The following CCNY variants were observed in gnomAD, a reference collection of about 807,000 sequenced individuals.
CCNY encodes cyclin Y.
A neutral mutation model predicts 42.8 loss-of-function variants in CCNY; 19 were observed. That is an observed-to-expected ratio of 0.44 (90% CI 0.31 to 0.65). The LOEUF (loss-of-function observed/expected upper bound fraction) is 0.65, where lower values mean the gene tolerates loss of function less well. CCNY is among the 30% of genes least tolerant of loss of function. CCNY has a pLI of 0.07. For missense variants in CCNY, 370 were observed against 437.3 expected (o/e 0.85, Z 1.37); for synonymous variants, 165 against 162.7 (o/e 1.01, Z -0.11).
chr10:35,553,273 T>C, intron 8 of CCNY, 88 bp downstream of exon 8: 1 of 1,293,976 alleles, frequency 7.7e-7, no homozygotes, highest in East Asian at 2.4e-5. Context: ...ATGGTCTGTA[T>C]AGCGCAGAAT....
At chr10:35,414,734 C>G (rs1837988485) in intron 1 of CCNY, among the ~76,000 whole-genome samples, 1 of 152,156 alleles carries the variant, frequency 6.6e-6, no homozygotes, top group South Asian at 2.1e-4. Flanking sequence ...GGGAGTGATT[C>G]ACTTCACTAT....
At chr10:35,339,205 G>A (rs1264641460) in intron 1 of CCNY, among the ~76,000 whole-genome samples, 1 of 152,200 alleles carries the variant, frequency 6.6e-6, no homozygotes, top group African/African-American at 2.4e-5. Context: ...GACCCAGCCA[G>A]CAGTTCTCAA....
chr10:35,565,596 C>T lies in CCNY; in HGVS notation c.747-427C>T, dbSNP rs1325585295. Among the ~76,000 whole-genome samples the T allele has an allele frequency of 2.6e-5, 4 of 152,206 alleles. 1 individual carries two copies. The highest frequency in any genetic ancestry group is 2.6e-4 in the Admixed American group (4 of 15,288). On this transcript the variant is annotated intron_variant, in intron 8 of 9. Coordinates refer to ENST00000374704, the MANE Select transcript of CCNY (RefSeq NM_145012.6). ...CTCCCTGGAGGTAGGGAGGGGCCAC[C>T]GAGGAAGCCAATGTCCTCTAGGTCT...
intron 1 of CCNY, among the ~76,000 whole-genome samples, chr10:35,393,211 T>C (rs781197434): frequency 1.3e-5 from 2 of 152,216 alleles, no homozygotes; most frequent in Non-Finnish European, 2.9e-5. Flanking sequence ...TTTTTTCTTT[T>C]ACACAGATCT....
intron 7 of CCNY, among the ~76,000 whole-genome samples, chr10:35,546,749 T>C (rs1209774239): frequency 1.3e-5 from 2 of 152,038 alleles, no homozygotes; most frequent in African/African-American, 4.8e-5. Context: ...ACCTGGTTCA[T>C]GACTGTTTGT....
chr10:35,532,029 G>C (rs1187219789), intron 7 of CCNY, among the ~76,000 whole-genome samples: 1 of 152,264 alleles, frequency 6.6e-6, no homozygotes, highest in Non-Finnish European at 1.5e-5. Context: ...GAAATAGACT[G>C]GTGTTGACCA....
At chr10:35,517,779 T>G (rs905168453) in intron 4 of CCNY, among the ~76,000 whole-genome samples, 20 of 152,232 alleles carry the variant, frequency 1.3e-4, no homozygotes, top group African/African-American at 4.6e-4. Context: ...CTGGCAGCAC[T>G]CACAGAGCTC....
At chr10:35,282,456 G>A (rs547963329) in intron 3 of CCNY, among the ~76,000 whole-genome samples, 8 of 151,916 alleles carry the variant, frequency 5.3e-5, no homozygotes, top group African/African-American at 1.4e-4. Flanking sequence ...GGCCAGGCAC[G>A]GTGGCTCATG....
At chr10:35,498,489 C>A (rs1463102487) in intron 2 of CCNY, among the ~76,000 whole-genome samples, 1 of 152,158 alleles carries the variant, frequency 6.6e-6, no homozygotes, top group South Asian at 2.1e-4. Flanking sequence ...CCACCCCAGT[C>A]TGAAGTTTAC....
At chr10:35,285,575 A>G (rs1360572814) in intron 3 of CCNY, among the ~76,000 whole-genome samples, 15 of 152,140 alleles carry the variant, frequency 9.9e-5, no homozygotes, top group Admixed American at 9.8e-4. Context: ...CTCAGATGTG[A>G]GCCACCACAG....
chr10:35,343,950 C>G (rs900275137), intron 1 of CCNY, among the ~76,000 whole-genome samples: 1 of 152,214 alleles, frequency 6.6e-6, no homozygotes, highest in Non-Finnish European at 1.5e-5. Context: ...TGAATCCTTT[C>G]ATGATTCAAC....
intron 1 of CCNY, among the ~76,000 whole-genome samples, chr10:35,341,335 C>T (rs1377790417): frequency 1.3e-5 from 2 of 152,204 alleles, no homozygotes; most frequent in Admixed American, 1.3e-4. Flanking sequence ...CAAGCCTGAC[C>T]TTTTCAGGGA....
At chr10:35,487,688 C>T (rs1839815579) in intron 2 of CCNY, among the ~76,000 whole-genome samples, 1 of 152,078 alleles carries the variant, frequency 6.6e-6, no homozygotes, top group Non-Finnish European at 1.5e-5. Context: ...GTAGCCTGCT[C>T]ATCAGACCCC....
At chr10:35,260,889 T>C (rs34195979) in intron 3 of CCNY, among the ~76,000 whole-genome samples, 55,586 of 152,070 alleles carry the variant, frequency 0.37, 10,659 homozygotes, top group African/African-American at 0.49. Flanking sequence ...GGCAGGAAGA[T>C]TGCTCAAAGC....
chr10:35,465,107 TCTTTC>T (rs1273921851), intron 1 of CCNY, among the ~76,000 whole-genome samples: 1 of 152,226 alleles, frequency 6.6e-6, no homozygotes, highest in Non-Finnish European at 1.5e-5. Flanking sequence ...TTTTTCCTTT[TCTTTC>T]CTTAAGTTGT....
chr10:35,387,595 A>T (rs1258603161), intron 1 of CCNY, among the ~76,000 whole-genome samples: 4 of 152,190 alleles, frequency 2.6e-5, no homozygotes, highest in Admixed American at 2.6e-4. Context: ...CACAAAAGGG[A>T]GGAGGGGAGT....
At chr10:35,564,940 G>A (rs1210887943) in intron 8 of CCNY, among the ~76,000 whole-genome samples, 1 of 152,186 alleles carries the variant, frequency 6.6e-6, no homozygotes, top group Admixed American at 6.5e-5. Flanking sequence ...GCTGCATAGT[G>A]TGGGCAAGGA....
At chr10:35,351,246 G>A (rs1044859330) in intron 1 of CCNY, among the ~76,000 whole-genome samples, 5 of 152,206 alleles carry the variant, frequency 3.3e-5, no homozygotes, top group Non-Finnish European at 7.3e-5. Flanking sequence ...AAGATTATTT[G>A]GAGTTGTGAA....
intron 3 of CCNY, among the ~76,000 whole-genome samples, chr10:35,285,153 A>C (rs895029604): frequency 4.6e-5 from 7 of 151,862 alleles, no homozygotes; most frequent in Non-Finnish European, 1.0e-4. Flanking sequence ...GTAGCTGGGG[A>C]CTACAGGTGC....
Sources: gnomAD v4.1 joint callset for allele counts (sites outside exome capture counted in the v4.1 genomes callset) on GRCh38, gnomAD v4.1.1 for gene constraint, MANE v1.5 for transcripts, NCBI Gene and HGNC (gene_info 2026-07-23, HGNC 2026-07-21) for gene names.